FAM184B: variants seen among roughly 807,000 people sequenced by gnomAD.
FAM184B encodes the protein protein FAM184B.
FAM184B carries 111 observed loss-of-function variants against 135.9 expected under a neutral mutation model. The ratio of observed to expected loss-of-function variants is 0.82; its 90% CI spans 0.70 to 0.96. The LOEUF is 0.96. FAM184B is among the 40% of genes least tolerant of loss of function. The pLI, the probability that FAM184B is intolerant of heterozygous loss-of-function variation, is 0.00. For missense variants in FAM184B, 1,375 were observed against 1,323.9 expected, an observed-to-expected ratio of 1.04 and a Z score of -0.60; for synonymous variants, 552 against 524.8, an observed-to-expected ratio of 1.05 and a Z score of -0.71.
intron 7 of FAM184B, among the ~76,000 whole-genome samples, chr4:17,685,812 A>G (rs746420603): frequency 6.6e-6 from 1 of 152,116 alleles, no homozygotes; most frequent in African/African-American, 2.4e-5. Context: ...CCGCCAAAAC[A>G]AAGAATTATC....
chr4:17,657,189 C>T (rs1228789631), intron 10 of FAM184B, among the ~76,000 whole-genome samples: 2 of 152,130 alleles, frequency 1.3e-5, no homozygotes, highest in Non-Finnish European at 2.9e-5. Flanking sequence ...TTTCCTTTGG[C>T]TATCTGGCAA....
chr4:17,638,146 T>TC (rs1283481162), intron 14 of FAM184B, among the ~76,000 whole-genome samples: 1 of 120,532 alleles, frequency 8.3e-6, no homozygotes, highest in African/African-American at 4.4e-5. Flanking sequence ...TTTTTTTTTT[T>TC]TTTTTTTTTT....
intron 1 of FAM184B, among the ~76,000 whole-genome samples, chr4:17,768,521 C>T (rs185953290): frequency 7.3e-4 from 111 of 152,282 alleles, no homozygotes; most frequent in African/African-American, 2.4e-3. Context: ...AGGTTTTACC[C>T]GCCTCGGCCT....
Position 17,632,585 on chromosome 4 carries a change from G to T in FAM184B, c.3130C>A (p.Gln1044Lys). ...GETAQAKEVQQKQGSPHQEWF... is the reference protein window; with the variant it reads ...GETAQAKEVQKKQGSPHQEWF... ...TCCTGGTGCGGAGAGCCCTGTTTCT[G>T]CTGGACTTCTTTGGCTTGGGCCGTT... Residue 1044 changes from glutamine (Q) to lysine (K), a missense_variant, in exon 18 of 18, where the codon CAG (glutamine) becomes AAG (lysine). Transcript: ENST00000265018. 3 of 1,551,360 alleles carry T rather than the reference G, an allele frequency of 1.9e-6. No homozygotes were observed. Among genetic ancestry groups the T allele is most frequent in the Non-Finnish European group, 1.7e-6 (2 of 1,146,766 alleles).
In FAM184B at chr4:17,634,378, C is replaced by A. The variant is rs752255157; in HGVS notation, c.2890-490G>T. ...TTGCTCTGTCACCCAAGCTGGAGTA[C>A]GGTGGTGCGATCTCAGCTCACTGCA... is the stretch of plus-strand genomic sequence containing the variant. On this transcript the variant is annotated intron_variant, in intron 16 of 17. Coordinates refer to ENST00000265018, the MANE Select transcript of FAM184B (RefSeq NM_015688.2). Among the ~76,000 whole-genome samples the A allele has an allele frequency of 3.9e-5, 6 of 152,276 alleles. 1 individual carries two copies. Among genetic ancestry groups the A allele is most frequent in the Admixed American group, 3.3e-4 (5 of 15,290 alleles).
chr4:17,718,041 A>T (rs947802115), intron 1 of FAM184B, among the ~76,000 whole-genome samples: 2 of 152,206 alleles, frequency 1.3e-5, no homozygotes, highest in African/African-American at 4.8e-5. Context: ...GGGTAATATA[A>T]TAGAACTCCA....
intron 1 of FAM184B, among the ~76,000 whole-genome samples, chr4:17,736,312 A>C (rs1225097450): frequency 6.6e-6 from 1 of 152,240 alleles, no homozygotes; most frequent in Non-Finnish European, 1.5e-5. Flanking sequence ...GTACCACTTA[A>C]GTAAAAGTGA....
intron 1 of FAM184B, among the ~76,000 whole-genome samples, chr4:17,728,208 G>T (rs1191956366): frequency 6.6e-6 from 1 of 152,116 alleles, no homozygotes; most frequent in Non-Finnish European, 1.5e-5. Flanking sequence ...TGAGGATAGT[G>T]TTGCTGATGG....
At chr4:17,659,659 T>C (rs1715867831) in intron 9 of FAM184B, among the ~76,000 whole-genome samples, 1 of 152,122 alleles carries the variant, frequency 6.6e-6, no homozygotes, top group Admixed American at 6.6e-5. Flanking sequence ...CTAATTTTTG[T>C]ATTTTTAGTA....
intron 7 of FAM184B, among the ~76,000 whole-genome samples, chr4:17,682,329 G>A (rs57218478): frequency 6.6e-6 from 1 of 152,118 alleles, no homozygotes; most frequent in African/African-American, 2.4e-5. Context: ...GGAGAGACCA[G>A]GATTAAAGTC....
intron 1 of FAM184B, among the ~76,000 whole-genome samples, chr4:17,753,354 A>G (rs772669524): frequency 6.6e-6 from 1 of 152,234 alleles, no homozygotes; most frequent in Non-Finnish European, 1.5e-5. Context: ...AACTTATAAG[A>G]CCAAATTTTA....
At chr4:17,738,024 A>C (rs900235267) in intron 1 of FAM184B, among the ~76,000 whole-genome samples, 4 of 152,172 alleles carry the variant, frequency 2.6e-5, no homozygotes, top group Non-Finnish European at 5.9e-5. Context: ...CAGAGAGCAT[A>C]ATATTCCACA....
intron 1 of FAM184B, among the ~76,000 whole-genome samples, chr4:17,762,019 A>ATTTTG (rs112668227): frequency 1.7e-3 from 245 of 147,282 alleles, no homozygotes; most frequent in African/African-American, 5.2e-3. Flanking sequence ...AGGGCTCTTC[A>ATTTTG]TTTTGTTTTG....
chr4:17,744,721 A>G (rs77951047), intron 1 of FAM184B, among the ~76,000 whole-genome samples: 1 of 147,636 alleles, frequency 6.8e-6, no homozygotes, highest in African/African-American at 2.5e-5. Flanking sequence ...CTCCATCTCA[A>G]AAAAAAAAAA....
At chr4:17,648,359 T>G (rs777658759) in intron 11 of FAM184B, among the ~76,000 whole-genome samples, 18 of 152,008 alleles carry the variant, frequency 1.2e-4, no homozygotes, top group Non-Finnish European at 2.5e-4. Context: ...TTTTTTATTT[T>G]TTTTTGAGAT....
At chr4:17,703,964 C>T (rs556046015) in intron 5 of FAM184B, among the ~76,000 whole-genome samples, 38 of 151,694 alleles carry the variant, frequency 2.5e-4, no homozygotes, top group African/African-American at 9.2e-4. Flanking sequence ...AAAAAGAAAT[C>T]AGGCTGCCGA....
intron 14 of FAM184B, among the ~76,000 whole-genome samples, chr4:17,636,880 A>G (rs74408933): frequency 0.014 from 2,152 of 152,282 alleles, 21 homozygotes; most frequent in Middle Eastern, 0.024. Context: ...CTGTGTGCAC[A>G]TAGATGCTGC....
At chr4:17,773,299 C>G (rs1222473243) in intron 1 of FAM184B, among the ~76,000 whole-genome samples, 1 of 152,200 alleles carries the variant, frequency 6.6e-6, no homozygotes, top group African/African-American at 2.4e-5. Context: ...GTAAGGTGTT[C>G]CTAACATGGA....
chr4:17,689,440 T>C, intron 6 of FAM184B, among the ~76,000 whole-genome samples: 1 of 152,094 alleles, frequency 6.6e-6, no homozygotes, highest in South Asian at 2.1e-4. Flanking sequence ...CAAGGAGGGA[T>C]GGGGAAGGGA....
Sources: allele counts gnomAD v4.1 joint callset (sites outside exome capture counted in the v4.1 genomes callset), GRCh38; gene constraint gnomAD v4.1.1; transcripts MANE v1.5; gene names NCBI Gene and HGNC (gene_info 2026-07-23, HGNC 2026-07-21).